The following ATAD2 variants were observed in gnomAD, a reference collection of about 807,000 sequenced individuals.
ATAD2 encodes the protein ATPase family AAA domain-containing protein 2.
A neutral mutation model predicts 168.9 loss-of-function variants in ATAD2; 62 were observed. The observed-to-expected ratio is 0.37, with a 90% CI of 0.30 to 0.45. The LOEUF (loss-of-function observed/expected upper bound fraction) is 0.45, where lower values mean the gene tolerates loss of function less well. ATAD2 is among the 20% of genes least tolerant of loss of function. The pLI is 1.00. For missense variants in ATAD2, 1,419 were observed against 1,667.8 expected, an observed-to-expected ratio of 0.85 and a Z score of 2.60; for synonymous variants, 613 against 571.6, an observed-to-expected ratio of 1.07 and a Z score of -1.03.
At chr8:123,326,860 T>G (rs1378465195) in intron 25 of ATAD2, among the ~76,000 whole-genome samples, 1 of 152,180 alleles carries the variant, frequency 6.6e-6, no homozygotes, top group African/African-American at 2.4e-5. Context: ...GAACAATACA[T>G]TCAATGATAA....
At chr8:123,355,518 G>C (rs1032754930) in intron 13 of ATAD2, among the ~76,000 whole-genome samples, 11 of 152,140 alleles carry the variant, frequency 7.2e-5, no homozygotes, top group African/African-American at 2.7e-4. Flanking sequence ...GGGGTTGAGG[G>C]TTCAATTTAC....
chr8:123,390,453 A>G (rs973713298), intron 1 of ATAD2, among the ~76,000 whole-genome samples: 14 of 152,206 alleles, frequency 9.2e-5, no homozygotes, highest in African/African-American at 3.4e-4. Context: ...GACTGAATAC[A>G]GAACTGCCAT....
intron 1 of ATAD2, among the ~76,000 whole-genome samples, chr8:123,383,465 T>A (rs1251997050): frequency 2.6e-5 from 4 of 151,846 alleles, no homozygotes; most frequent in Admixed American, 6.6e-5. Context: ...AAAACACTGG[T>A]GTAGGTGTTA....
rs1323091252 is a variant in ATAD2 at position 123,319,937 on chromosome 8, T to G, written c.*1197A>C. 3 of 152,186 alleles carry G rather than the reference T, an allele frequency of 2.0e-5. No homozygotes were observed. Among genetic ancestry groups the G allele is most frequent in the Admixed American group, 6.5e-5 (1 of 15,284 alleles). The allele number at this position is 152,186 out of a possible 1,614,324, so 9.4% of individuals were successfully genotyped here. On this transcript the variant is annotated 3_prime_UTR_variant, in exon 28 of 28. Transcript: ENST00000287394. Reference sequence around the variant, plus strand: ...GTTATAAAAGATGCATCTAGAAGAATAATTTATAATAAACCAACAAAAATG... The same window carrying G: ...GTTATAAAAGATGCATCTAGAAGAAGAATTTATAATAAACCAACAAAAATG...
rs183861908 is a variant in ATAD2 at position 123,386,513 on chromosome 8, G to A, written c.172-5836C>T. ...GTGGTTGCCAGGGACTAGGAGGAGA[G>A]AGGAACTGGGAGTAAGTGTTTAATG... On this transcript the variant is annotated intron_variant, in intron 1 of 27. Coordinates refer to ENST00000287394, the MANE Select transcript of ATAD2 (RefSeq NM_014109.4). 9.2e-5 allele frequency among the ~76,000 whole-genome samples: 14 copies of A among 152,224 alleles called. 1 individual carries two copies. The highest frequency in any genetic ancestry group is 6.5e-4 in the Admixed American group (10 of 15,278).
chr8:123,378,486 GA>G (rs1829388857), intron 2 of ATAD2, among the ~76,000 whole-genome samples: 1 of 151,998 alleles, frequency 6.6e-6, no homozygotes, highest in East Asian at 1.9e-4. Context: ...TGGATCACCT[GA>G]AGTCAGGAGT....
intron 1 of ATAD2, among the ~76,000 whole-genome samples, chr8:123,403,501 A>G (rs187361927): frequency 2.8e-4 from 42 of 151,854 alleles, no homozygotes; most frequent in Non-Finnish European, 4.9e-4. Context: ...CACAGGCGCA[A>G]TCACAGCTTG....
chr8:123,327,306 G>A (rs1005584311), intron 25 of ATAD2, among the ~76,000 whole-genome samples: 4 of 152,104 alleles, frequency 2.6e-5, no homozygotes, highest in African/African-American at 9.7e-5. Context: ...CTGCTAAATA[G>A]TATTCTTTTT....
chr8:123,360,369 T>TCTCA (rs1356854648), intron 9 of ATAD2, among the ~76,000 whole-genome samples: 1 of 152,154 alleles, frequency 6.6e-6, no homozygotes, highest in African/African-American at 2.4e-5. Flanking sequence ...TTTTTCTGAG[T>TCTCA]CTCACCCTGT....
At chr8:123,381,156 G>A (rs1361857780) in intron 1 of ATAD2, among the ~76,000 whole-genome samples, 11 of 152,164 alleles carry the variant, frequency 7.2e-5, no homozygotes, top group African/African-American at 1.4e-4. Flanking sequence ...AGTTATTACT[G>A]TATATTTTGC....
At chr8:123,345,316 T>C (rs1217619464) in intron 18 of ATAD2, among the ~76,000 whole-genome samples, 6 of 152,106 alleles carry the variant, frequency 3.9e-5, no homozygotes, top group African/African-American at 7.2e-5. Context: ...TTTTCTATTG[T>C]GGTAATCAAA....
intron 1 of ATAD2, among the ~76,000 whole-genome samples, chr8:123,387,118 T>C (rs992754434): frequency 6.6e-6 from 1 of 152,066 alleles, no homozygotes; most frequent in Non-Finnish European, 1.5e-5. Context: ...GCAAAAACCA[T>C]TTTTTTCCTA....
At chr8:123,370,815 C>A in intron 6 of ATAD2, 88 bp downstream of exon 6, 1 of 923,828 alleles carries the variant, frequency 1.1e-6, no homozygotes, top group South Asian at 1.9e-5. Context: ...CCATAAATGT[C>A]ACACCTTCTA....
chr8:123,370,879 G>C, intron 6 of ATAD2, 24 bp downstream of exon 6: 1 of 1,531,336 alleles, frequency 6.5e-7, no homozygotes, highest in African/African-American at 1.4e-5. Flanking sequence ...AATCCCAGAA[G>C]ACAGAACAAG....
chr8:123,346,552 C>A, intron 17 of ATAD2, 66 bp downstream of exon 17: 1 of 1,367,724 alleles, frequency 7.3e-7, no homozygotes, highest in South Asian at 1.6e-5. Context: ...ATTTTTTCAA[C>A]CACATCTCAT....
At chr8:123,355,580 TA>T (rs1828615739) in intron 13 of ATAD2, among the ~76,000 whole-genome samples, 1 of 152,164 alleles carries the variant, frequency 6.6e-6, no homozygotes, top group South Asian at 2.1e-4. Flanking sequence ...AAACTAGTAG[TA>T]ATGCCCTAAG....
At chr8:123,378,701 CAAA>C (rs71808201) in intron 2 of ATAD2, among the ~76,000 whole-genome samples, 15 of 73,042 alleles carry the variant, frequency 2.1e-4, no homozygotes, top group African/African-American at 7.6e-4. Flanking sequence ...GACTGTGTCT[CAAA>C]AAAAAAAAAA....
chr8:123,354,864 A>AATATATATATATATATATATATATATAT (rs1251736641), intron 13 of ATAD2, among the ~76,000 whole-genome samples: 1 of 64,706 alleles, frequency 1.5e-5, no homozygotes, highest in African/African-American at 8.7e-5. Flanking sequence ...AAAAAAAAAA[A>AATATATATATATATATATATATATATAT]ATATATATAT....
intron 20 of ATAD2, among the ~76,000 whole-genome samples, chr8:123,338,601 A>G (rs1485710109): frequency 6.6e-6 from 1 of 152,244 alleles, no homozygotes; most frequent in Non-Finnish European, 1.5e-5. Context: ...TAAGGGAGTA[A>G]GAGGCATAAT....
Sources: gnomAD v4.1 joint callset for allele counts (sites outside exome capture counted in the v4.1 genomes callset) on GRCh38, gnomAD v4.1.1 for gene constraint, MANE v1.5 for transcripts, NCBI Gene and HGNC (gene_info 2026-07-23, HGNC 2026-07-21) for gene names.